Variants in TNFSF4 observed in about 807,000 individuals in gnomAD.
TNFSF4 encodes tumor necrosis factor ligand superfamily member 4.
In TNFSF4, 4 loss-of-function variants were observed where a neutral mutation model predicts 7.3. The observed-to-expected ratio is 0.55, with a 90% CI of 0.27 to 1.25. The LOEUF is 1.25. TNFSF4 is among the 50% of genes most tolerant of loss of function. The pLI is 0.12. For missense variants in TNFSF4, 181 were observed against 208.8 expected, an observed-to-expected ratio of 0.87 and a Z score of 0.82; for synonymous variants, 76 against 83.7, an observed-to-expected ratio of 0.91 and a Z score of 0.50.
chr1:173,180,694 G>A (rs528891957), downstream of TNFSF4, among the ~76,000 whole-genome samples: 454 of 152,208 alleles, frequency 3.0e-3, 1 homozygote, highest in Non-Finnish European at 4.4e-3. Flanking sequence ...GTTTAAAATA[G>A]TATGAACATG....
At chr1:173,355,879 T>A in the TNFSF4 span, among the ~76,000 whole-genome samples, 1 of 152,174 alleles carries the variant, frequency 6.6e-6, no homozygotes, top group Non-Finnish European at 1.5e-5. Context: ...TGCAAAGAAC[T>A]CACATGTGTG....
the TNFSF4 span, among the ~76,000 whole-genome samples, chr1:173,239,944 A>C: frequency 6.6e-6 from 1 of 152,138 alleles, no homozygotes; most frequent in Non-Finnish European, 1.5e-5. Flanking sequence ...AGGCAGGAGA[A>C]TCACTTGAAC....
the TNFSF4 span, among the ~76,000 whole-genome samples, chr1:173,430,105 T>TA: frequency 2.6e-4 from 39 of 152,108 alleles, 2 homozygotes; most frequent in East Asian, 2.1e-3. Context: ...TGCATTCCGC[T>TA]AAAAAAAGGC....
rs1369866606 is a variant in TNFSF4, at chr1:173,207,050, T to G, written c.127A>C (p.Ile43Leu). 49 of 1,613,070 alleles carry G rather than the reference T, an allele frequency of 3.0e-5. No homozygotes were observed. The highest frequency in any genetic ancestry group is 1.7e-4 in the Middle Eastern group (1 of 5,966). Reference protein sequence around the residue: ...GLGLLLCFTYICLHFSALQVS... With the variant: ...GLGLLLCFTYLCLHFSALQVS... Reference sequence around the variant, plus strand: ...TGAAGAGCAGAGAAGTGCAGGCAGATGTAGGTGAAGCACAGGAGCAGCCCC... The same window carrying G: ...TGAAGAGCAGAGAAGTGCAGGCAGAGGTAGGTGAAGCACAGGAGCAGCCCC... The change falls in exon 1 of 3, where the codon ATC becomes CTC. Residue 43 changes from isoleucine to leucine, a missense_variant. By Grantham distance (5) the Ile-to-Leu change is conservative. Coordinates refer to ENST00000281834, the MANE Select transcript of TNFSF4 (RefSeq NM_003326.5).
At chr1:173,190,904 C>T (rs1267202154) in intron 1 of TNFSF4, among the ~76,000 whole-genome samples, 1 of 152,192 alleles carries the variant, frequency 6.6e-6, no homozygotes, top group Non-Finnish European at 1.5e-5. Context: ...AGTTTCTCAT[C>T]TTTAAAAGTC....
At chr1:173,260,147 T>A in the TNFSF4 span, among the ~76,000 whole-genome samples, 1 of 152,094 alleles carries the variant, frequency 6.6e-6, no homozygotes, top group Admixed American at 6.5e-5. Flanking sequence ...GACCTCTCAG[T>A]GGAAACTCTA....
chr1:173,428,236 C>T, the TNFSF4 span, among the ~76,000 whole-genome samples: 2 of 152,224 alleles, frequency 1.3e-5, no homozygotes, highest in East Asian at 1.9e-4. Flanking sequence ...TGAGCCACCA[C>T]GCCCGACCTC....
the TNFSF4 span, among the ~76,000 whole-genome samples, chr1:173,432,632 T>C: frequency 3.9e-5 from 6 of 152,230 alleles, no homozygotes; most frequent in African/African-American, 1.2e-4. Context: ...TCTGTGTACA[T>C]TCTTTTATGG....
At position 173,187,191 on chromosome 1, in the gene TNFSF4, G is replaced by A. The variant is rs187111716; in HGVS notation, c.203-326C>T. Reference sequence around the variant, plus strand: ...CCAACAGAGTCTCAGATGGGGCTGAGATTCAGGAGCTGAGAGATTACAGAA... The same window carrying A: ...CCAACAGAGTCTCAGATGGGGCTGAAATTCAGGAGCTGAGAGATTACAGAA... On this transcript the variant is annotated intron_variant, in intron 2 of 2. Transcript: ENST00000281834. 5.3e-5 allele frequency among the ~76,000 whole-genome samples: 8 copies of A among 152,308 alleles called. No individual in the cohort carries two copies. The East Asian group carries it at 1.5e-3, about 29-fold the overall frequency.
At chr1:173,255,815 CT>C in the TNFSF4 span, among the ~76,000 whole-genome samples, 1 of 152,170 alleles carries the variant, frequency 6.6e-6, no homozygotes, top group Non-Finnish European at 1.5e-5. Flanking sequence ...CTGTTTTTAT[CT>C]GTGCCCCCAC....
the TNFSF4 span, among the ~76,000 whole-genome samples, chr1:173,270,048 G>C: frequency 4.6e-5 from 7 of 152,118 alleles, no homozygotes; most frequent in African/African-American, 1.4e-4. Flanking sequence ...GATAGAATTT[G>C]CTAACAGAGC....
the TNFSF4 span, among the ~76,000 whole-genome samples, chr1:173,416,268 TG>T: frequency 6.6e-6 from 1 of 152,216 alleles, no homozygotes; most frequent in Non-Finnish European, 1.5e-5. Flanking sequence ...GGCCTACAGC[TG>T]GGGCTCAGAA....
chr1:173,420,905 A>G, the TNFSF4 span, among the ~76,000 whole-genome samples: 1 of 152,194 alleles, frequency 6.6e-6, no homozygotes, highest in Non-Finnish European at 1.5e-5. Flanking sequence ...TGTATGGCCA[A>G]TTGTCATTTA....
the TNFSF4 span, among the ~76,000 whole-genome samples, chr1:173,326,791 C>G: frequency 3.1e-3 from 473 of 152,168 alleles, 6 homozygotes; most frequent in African/African-American, 0.011. Context: ...GATAAAATAC[C>G]TAGGAATCCA....
At chr1:173,379,655 A>T in the TNFSF4 span, among the ~76,000 whole-genome samples, 1 of 152,164 alleles carries the variant, frequency 6.6e-6, no homozygotes, top group Non-Finnish European at 1.5e-5. Context: ...TGTAATAGGG[A>T]CCAAGAAGAA....
chr1:173,240,696 G>C, the TNFSF4 span, among the ~76,000 whole-genome samples: 2 of 152,060 alleles, frequency 1.3e-5, no homozygotes, highest in South Asian at 2.1e-4. Context: ...GATATATTAT[G>C]AGTAACAAAG....
chr1:173,346,479 C>T, the TNFSF4 span, among the ~76,000 whole-genome samples: 1 of 152,132 alleles, frequency 6.6e-6, no homozygotes, highest in East Asian at 1.9e-4. Context: ...GTTGCATGTT[C>T]CCTACCTGGA....
chr1:173,289,218 TA>T, the TNFSF4 span, among the ~76,000 whole-genome samples: 1 of 152,132 alleles, frequency 6.6e-6, no homozygotes, highest in Admixed American at 6.6e-5. Context: ...TGATAAATAC[TA>T]AACCATCTGT....
the TNFSF4 span, among the ~76,000 whole-genome samples, chr1:173,299,936 C>T: frequency 1.8e-3 from 266 of 151,852 alleles, 2 homozygotes; most frequent in African/African-American, 6.2e-3. Context: ...TGTATTTAAA[C>T]CCATTGTCAA....
Sources: gnomAD v4.1 joint callset for allele counts (sites outside exome capture counted in the v4.1 genomes callset) on GRCh38, gnomAD v4.1.1 for gene constraint, MANE v1.5 for transcripts, NCBI Gene and HGNC (gene_info 2026-07-23, HGNC 2026-07-21) for gene names.